Variants in NXN observed in about 807,000 individuals in gnomAD.
NXN encodes the protein nucleoredoxin, also known as nucleoredoxin 1.
Under a neutral mutation model 48.6 loss-of-function variants are expected in NXN, and 16 were observed. That is an observed-to-expected ratio of 0.33 (90% CI 0.22 to 0.50). The LOEUF (loss-of-function observed/expected upper bound fraction) is 0.50. NXN is among the 20% of genes least tolerant of loss of function. The pLI, the probability that NXN is intolerant of heterozygous loss-of-function variation, is 0.98. For synonymous variants in NXN, 281 were observed against 269.6 expected, an observed-to-expected ratio of 1.04 and a Z score of -0.41; for missense variants, 492 against 605.5, an observed-to-expected ratio of 0.81 and a Z score of 1.97.
chr17:842,242 T>G (rs1281551339), intron 1 of NXN, among the ~76,000 whole-genome samples: 1 of 152,234 alleles, frequency 6.6e-6, no homozygotes, highest in Non-Finnish European at 1.5e-5. Flanking sequence ...TTTTCCCGGC[T>G]AGCACTGATC....
chr17:913,793 T>C (rs2068659225), intron 1 of NXN, among the ~76,000 whole-genome samples: 2 of 152,158 alleles, frequency 1.3e-5, no homozygotes, highest in Middle Eastern at 3.4e-3. Context: ...GTGTAAACAA[T>C]TGCCCTTTCC....
rs1019655551 is a variant in NXN at position 819,161 on chromosome 17, G to C, written c.820+278C>G. 27 of 429,034 alleles carry C rather than the reference G, an allele frequency of 6.3e-5. No individual in the cohort carries two copies. In the Admixed American group the frequency reaches 9.3e-4, roughly 15 times the overall value. The allele number at this position is 429,034 out of a possible 1,614,324, so 26.6% of individuals were successfully genotyped here. ...CGGGTTTCACCGTGTTGTCCAAACT[G>C]GTCTCGAACTCCTGAGCTCAGGTGA... On this transcript the variant is annotated intron_variant, in intron 5 of 7. Coordinates refer to ENST00000336868, the MANE Select transcript of NXN (RefSeq NM_022463.5).
In NXN at chr17:835,118, C is replaced by T. The variant is rs899890648; in HGVS notation, c.361-9040G>A. ...GGTCAGGAGATCGAGACCATCCTGG[C>T]TAACATGGTGAAACCCTGTCTCTAC... On this transcript the variant is annotated intron_variant, in intron 1 of 7. Coordinates refer to ENST00000336868, the MANE Select transcript of NXN (RefSeq NM_022463.5). 4.2e-3 allele frequency among the ~76,000 whole-genome samples: 632 copies of T among 151,340 alleles called. 3 individuals carry two copies. Among genetic ancestry groups the T allele is most frequent in the African/African-American group, 0.013 (529 of 41,324 alleles).
At chr17:939,357 T>C (rs111925341) in intron 1 of NXN, among the ~76,000 whole-genome samples, 1 of 133,836 alleles carries the variant, frequency 7.5e-6, no homozygotes, top group Admixed American at 7.2e-5. Flanking sequence ...TTTTTTTTTT[T>C]TTTTGAGACA....
intron 1 of NXN, among the ~76,000 whole-genome samples, chr17:930,953 T>C (rs2068846992): frequency 1.3e-5 from 2 of 151,864 alleles, no homozygotes; most frequent in Admixed American, 1.3e-4. Context: ...GTATTTTTAG[T>C]AGAGATGGGG....
In NXN at chr17:917,444, C is replaced by T. The variant is rs2068700274; in HGVS notation, c.360+61875G>A. Among the ~76,000 whole-genome samples the T allele has an allele frequency of 6.6e-6, 1 of 152,256 alleles. No individual in the cohort carries two copies. Among genetic ancestry groups the T allele is most frequent in the Non-Finnish European group, 1.5e-5 (1 of 68,036 alleles). On this transcript the variant is annotated intron_variant, in intron 1 of 7. Coordinates refer to ENST00000336868, the MANE Select transcript of NXN (RefSeq NM_022463.5). This position sits in a 1 kb window ranked among gnomAD's most constrained non-coding sequence, Gnocchi z 4.5. ...AAGAACAGGCGGGAGCCGCCGCTCACATCTTTACTCATGAACCTAAACTCA... is the reference window on the plus strand; with the variant it reads ...AAGAACAGGCGGGAGCCGCCGCTCATATCTTTACTCATGAACCTAAACTCA...
chr17:808,451 C>T (rs1277153083), intron 5 of NXN, among the ~76,000 whole-genome samples: 11 of 151,910 alleles, frequency 7.2e-5, no homozygotes, highest in Admixed American at 1.3e-4. Context: ...TACAGGTACA[C>T]ACCACCACAC....
chr17:912,521 A>T (rs968688744), intron 1 of NXN, among the ~76,000 whole-genome samples: 2 of 152,112 alleles, frequency 1.3e-5, no homozygotes, highest in African/African-American at 2.4e-5. Context: ...TGCCAGTTTA[A>T]TAATCACATA....
intron 1 of NXN, among the ~76,000 whole-genome samples, chr17:946,178 C>G (rs919918451): frequency 4.0e-5 from 6 of 149,856 alleles, no homozygotes; most frequent in Non-Finnish European, 8.9e-5. Flanking sequence ...CTCTGTTGCC[C>G]AGGCTGGAGG....
At chr17:864,125 T>G in intron 1 of NXN, 2 of 1,464,088 alleles carry the variant, frequency 1.4e-6, no homozygotes, top group Non-Finnish European at 9.0e-7. Flanking sequence ...GTTGCTCACT[T>G]CCGGTGAAGG....
chr17:975,481 G>A (rs2069447521), intron 1 of NXN, among the ~76,000 whole-genome samples: 1 of 152,170 alleles, frequency 6.6e-6, no homozygotes, highest in South Asian at 2.1e-4. Flanking sequence ...AGTCTGAACT[G>A]AAAGAACCAC....
In NXN at chr17:825,243, A is replaced by C. The variant is rs1191169406; in HGVS notation, c.478+718T>G. On this transcript the variant is annotated intron_variant, in intron 2 of 7. Transcript: ENST00000336868. This position sits in a 1 kb window ranked among gnomAD's most constrained non-coding sequence, Gnocchi z 4.1. ...AGAGAAAAAAAAAAAAAAAAAAGAA[A>C]AGCTTCACGCTTGGTTCCACCATGC... Among the ~76,000 whole-genome samples the C allele has an allele frequency of 7.0e-6, 1 of 142,494 alleles. No individual in the cohort carries two copies. Among genetic ancestry groups the C allele is most frequent in the Non-Finnish European group, 1.5e-5 (1 of 65,818 alleles). 93.5% of individuals were successfully genotyped at this position (142,494 alleles called of 152,430 possible). A position where few individuals can be genotyped will look rare whatever the true frequency, so the allele number is the denominator to read the frequency against.
chr17:973,200 A>C (rs1003850531), intron 1 of NXN, among the ~76,000 whole-genome samples: 1 of 152,208 alleles, frequency 6.6e-6, no homozygotes, highest in Non-Finnish European at 1.5e-5. Context: ...TGAGTACCAA[A>C]CCAGCAATGC....
chr17:843,068 C>CAAGA (rs1914472145), intron 1 of NXN, among the ~76,000 whole-genome samples: 1 of 133,490 alleles, frequency 7.5e-6, no homozygotes, highest in African/African-American at 2.9e-5. Flanking sequence ...AGGAAGAAAG[C>CAAGA]AAGCAAGCAA....
At position 871,305 on chromosome 17, in the gene NXN, A is replaced by G. The variant is rs112264316; in HGVS notation, c.361-45227T>C. Among the ~76,000 whole-genome samples the G allele has an allele frequency of 9.2e-5, 14 of 152,172 alleles. 1 individual carries two copies. The highest frequency in any genetic ancestry group is 2.4e-4 in the African/African-American group (10 of 41,526). On this transcript the variant is annotated intron_variant, in intron 1 of 7. Coordinates refer to ENST00000336868, the MANE Select transcript of NXN (RefSeq NM_022463.5). Reference sequence around the variant, plus strand: ...GAACCTGGTCACTGTGGTGACCTCAATGATGAGGCCAACAAGTAATTGATT... The same window carrying G: ...GAACCTGGTCACTGTGGTGACCTCAGTGATGAGGCCAACAAGTAATTGATT...
intron 1 of NXN, among the ~76,000 whole-genome samples, chr17:912,546 C>T (rs2068646432): frequency 6.6e-6 from 1 of 151,946 alleles, no homozygotes; most frequent in Non-Finnish European, 1.5e-5. Flanking sequence ...AAAAGTTGTA[C>T]TTCTTTAATT....
chr17:847,310 C>A (rs905610009), intron 1 of NXN, among the ~76,000 whole-genome samples: 1 of 151,866 alleles, frequency 6.6e-6, no homozygotes, highest in Non-Finnish European at 1.5e-5. Flanking sequence ...CCGTGTTGAT[C>A]ACTTTCCTGC....
chr17:903,059 C>T (rs1383122785), intron 1 of NXN, among the ~76,000 whole-genome samples: 3 of 151,176 alleles, frequency 2.0e-5, no homozygotes, highest in Admixed American at 1.3e-4. Context: ...GCTGAGCCAC[C>T]GCACCCAGCC....
intron 1 of NXN, among the ~76,000 whole-genome samples, chr17:873,234 C>T (rs1033179378): frequency 3.9e-5 from 6 of 152,154 alleles, no homozygotes; most frequent in Non-Finnish European, 7.4e-5. Context: ...GGGTGGCTCA[C>T]GCCTGTAATC....
Sources: gnomAD v4.1 joint callset for allele counts (sites outside exome capture counted in the v4.1 genomes callset) on GRCh38, gnomAD v4.1.1 for gene constraint, Gnocchi (gnomAD v3.1) non-coding constraint, MANE v1.5 for transcripts, NCBI Gene and HGNC (gene_info 2026-07-23, HGNC 2026-07-21) for gene names.